The following MTO1 variants were observed in gnomAD, a reference collection of about 807,000 sequenced individuals.
The protein encoded by MTO1 is 5-taurinomethyluridine-[tRNA] synthase subunit MTO1, mitochondrial.
In MTO1, 46 loss-of-function variants were observed where a neutral mutation model predicts 71.6. The ratio of observed to expected loss-of-function variants is 0.64; its 90% CI spans 0.51 to 0.82. The LOEUF is 0.82. MTO1 is among the 40% of genes least tolerant of loss of function. MTO1 has a pLI of 0.00. For missense variants in MTO1, 773 were observed against 867.5 expected, an observed-to-expected ratio of 0.89 and a Z score of 1.37; for synonymous variants, 297 against 312.1, an observed-to-expected ratio of 0.95 and a Z score of 0.51.
rs1772345951 is a variant in MTO1 at position 73,508,407 on chromosome 6, G to C, written c.*7672G>C. 6.6e-6 allele frequency: 1 copy of C among 151,894 alleles called. No homozygotes were observed. Among genetic ancestry groups the C allele is most frequent in the South Asian group, 2.1e-4 (1 of 4,826 alleles). The allele number at this position is 151,894 out of a possible 1,614,324, so 9.4% of individuals were successfully genotyped here. ...ACATGGGCAATCCAAATTTATAACAGTAAATTAAGATACATAAAAAAAAAC... is the reference window on the plus strand; with the variant it reads ...ACATGGGCAATCCAAATTTATAACACTAAATTAAGATACATAAAAAAAAAC... On this transcript the variant is annotated 3_prime_UTR_variant, in exon 12 of 12. Transcript: ENST00000498286.
At chr6:73,487,457 A>C (rs1159399317) in intron 9 of MTO1, 1 of 150,490 alleles carries the variant, frequency 6.6e-6, no homozygotes, top group Non-Finnish European at 1.5e-5. Flanking sequence ...CTGGAATTAC[A>C]GGCATGACCC....
chr6:73,496,506 T>G (rs987192254), intron 10 of MTO1, among the ~76,000 whole-genome samples: 7 of 151,942 alleles, frequency 4.6e-5, no homozygotes, highest in Non-Finnish European at 8.8e-5. Context: ...TATTATACTT[T>G]AAATTTTAGG....
At position 73,503,568 on chromosome 6, in the gene MTO1, A is replaced by ATAG. The variant is rs1772215657; in HGVS notation, c.*2833_*2834insTAG. On this transcript the variant is annotated 3_prime_UTR_variant, in exon 12 of 12. Transcript: ENST00000498286. ...ATCAGCTAAAAATGTAACCTTACTC[A>ATAG]ATGTAGTTACTTCATAGAAATCCCA... is the stretch of plus-strand genomic sequence containing the variant. 1 of 152,224 alleles carries ATAG rather than the reference A, an allele frequency of 6.6e-6. No homozygotes were observed. The highest frequency in any genetic ancestry group is 1.5e-5 in the Non-Finnish European group (1 of 68,052). 9.4% of individuals were successfully genotyped at this position (152,224 alleles called of 1,614,324 possible). A position where few individuals can be genotyped will look rare whatever the true frequency, so the allele number is the denominator to read the frequency against.
In MTO1 at chr6:73,502,375, CA is replaced by C. The variant is rs1427873773; in HGVS notation, c.*1641del. On this transcript the variant is annotated 3_prime_UTR_variant, in exon 12 of 12. Coordinates refer to ENST00000498286, the MANE Select transcript of MTO1 (RefSeq NM_012123.4). ...AGGAGAATCGCTTGAACCCAGGAGG[CA>C]GAGGTTGCAGTGAGCTGAGATTGTG... 6.6e-6 allele frequency: 1 copy of C among 151,912 alleles called. No individual in the cohort carries two copies. Among genetic ancestry groups the C allele is most frequent in the East Asian group, 1.9e-4 (1 of 5,164 alleles). The allele number at this position is 151,912 out of a possible 1,614,324, so 9.4% of individuals were successfully genotyped here. A position where few individuals can be genotyped will look rare whatever the true frequency, so the allele number is the denominator to read the frequency against.
chr6:73,483,088 G>A (rs368512001), intron 9 of MTO1, among the ~76,000 whole-genome samples: 17 of 150,428 alleles, frequency 1.1e-4, no homozygotes, highest in East Asian at 2.0e-4. Context: ...CACTGCACCC[G>A]GCCTAACTCA....
At position 73,502,068 on chromosome 6, in the gene MTO1, T is replaced by C. The variant is rs189553699; in HGVS notation, c.*1333T>C. On this transcript the variant is annotated 3_prime_UTR_variant, in exon 12 of 12. Transcript: ENST00000498286. ...TACTTGATTCAGTGATTTCAAAAGG[T>C]CGTAACTTTTAGTCATAGCTACTCC... The C allele has an allele frequency of 1.3e-5, 2 of 152,268 alleles. No homozygotes were observed. Among genetic ancestry groups the C allele is most frequent in the East Asian group, 3.9e-4 (2 of 5,186 alleles). 9.4% of individuals were successfully genotyped at this position (152,268 alleles called of 1,614,324 possible).
chr6:73,493,354 A>ATGTGTG (rs144509962), intron 10 of MTO1, among the ~76,000 whole-genome samples: 7,988 of 139,318 alleles, frequency 0.057, 469 homozygotes, highest in African/African-American at 0.15. Flanking sequence ...ATGTGCATGT[A>ATGTGTG]TGTGTGTGTG....
chr6:73,474,034 C>T (rs928698930), intron 4 of MTO1, among the ~76,000 whole-genome samples: 2 of 151,124 alleles, frequency 1.3e-5, no homozygotes, highest in African/African-American at 2.4e-5. Flanking sequence ...GATCCACCCC[C>T]CTTGGCCTCC....
intron 4 of MTO1, 121 bp downstream of exon 4, chr6:73,473,775 G>C: frequency 2.8e-6 from 2 of 708,920 alleles, no homozygotes; most frequent in Non-Finnish European, 4.3e-6. Context: ...TGCTTATAGT[G>C]CAAAGAAATG....
chr6:73,461,969 G>A lies in MTO1; in HGVS notation c.115G>A (p.Val39Met), dbSNP rs766653154. ...SAAPRTPHFDVIVIGGGHAGT... is the reference protein window; with the variant it reads ...SAAPRTPHFDMIVIGGGHAGT... ...GGCGCCCCGGACTCCGCACTTCGAC[G>A]TGATAGTCATTGGTGGAGGACATGC... The change falls in exon 1 of 12, where the codon GTG becomes ATG. Residue 39 changes from valine (V) to methionine (M), a missense_variant. Val to Met is a conservative substitution (Grantham distance 21, BLOSUM62 1). Coordinates refer to ENST00000498286, the MANE Select transcript of MTO1 (RefSeq NM_012123.4). 1 of 1,614,244 alleles carries A rather than the reference G, an allele frequency of 6.2e-7. No homozygotes were observed. Among genetic ancestry groups the A allele is most frequent in the South Asian group, 1.1e-5 (1 of 91,090 alleles).
intron 11 of MTO1, among the ~76,000 whole-genome samples, chr6:73,499,637 C>T (rs1022627133): frequency 5.9e-5 from 9 of 152,176 alleles, no homozygotes; most frequent in African/African-American, 9.7e-5. Context: ...ATATTGGACA[C>T]TGCATTATTG....
rs1772038238 is a variant in MTO1 at position 73,497,878 on chromosome 6, T to C, written c.1899T>C (p.His633=). The C allele has an allele frequency of 1.9e-6, 3 of 1,612,252 alleles. No individual in the cohort carries two copies. The change falls in exon 11 of 12, where the codon CAT becomes CAC. Residue 633 remains histidine (H), a synonymous_variant. Coordinates refer to ENST00000498286, the MANE Select transcript of MTO1 (RefSeq NM_012123.4). ...SLSHEVREKL[H]FSRPQTIGAA... ...CCCATGAAGTTCGAGAGAAACTACA[T>C]TTTAGTCGTCCACAGACGGTAAGAA...
chr6:73,497,720 T>C lies in MTO1; in HGVS notation c.1757-16T>C. On this transcript the variant is annotated splice_polypyrimidine_tract_variant and intron_variant, in intron 10 of 11. Coordinates refer to ENST00000498286, the MANE Select transcript of MTO1 (RefSeq NM_012123.4). ...TAATCTGGGTATTATAACATGATTCTGATTTTGTTGACCAGCCACTTATGA... is the reference window on the plus strand; with the variant it reads ...TAATCTGGGTATTATAACATGATTCCGATTTTGTTGACCAGCCACTTATGA... 1 of 1,606,470 alleles carries C rather than the reference T, an allele frequency of 6.2e-7. No individual in the cohort carries two copies. Among genetic ancestry groups the C allele is most frequent in the East Asian group, 2.2e-5 (1 of 44,670 alleles).
chr6:73,482,789 C>CTTTTTT (rs35121302), intron 9 of MTO1, among the ~76,000 whole-genome samples, 169 bp downstream of exon 9: 1,008 of 92,078 alleles, frequency 0.011, 4 homozygotes, highest in Admixed American at 0.012. Context: ...TTTTTTCTTT[C>CTTTTTT]TTTTTTTTTT....
intron 1 of MTO1, 65 bp downstream of exon 1, chr6:73,462,136 G>A (rs773200125): frequency 8.4e-6 from 13 of 1,538,716 alleles, no homozygotes; most frequent in East Asian, 4.5e-5. Flanking sequence ...CGCCTCCCCC[G>A]GTCTGAAGCG....
intron 5 of MTO1, 35 bp from the exon 6 acceptor site, chr6:73,479,901 G>A: frequency 6.2e-7 from 1 of 1,604,400 alleles, no homozygotes; most frequent in Non-Finnish European, 8.5e-7. Context: ...ATCCTCTTTT[G>A]TTCATTTCAA....
At chr6:73,484,381 T>C (rs1400577758) in intron 9 of MTO1, among the ~76,000 whole-genome samples, 3 of 152,156 alleles carry the variant, frequency 2.0e-5, no homozygotes, top group African/African-American at 7.2e-5. Context: ...TGGTGAGGGC[T>C]TGCTGTTTGC....
At position 73,479,928 on chromosome 6, in the gene MTO1, T is replaced by C. The variant is rs747872124; in HGVS notation, c.939-8T>C. The C allele has an allele frequency of 6.2e-7, 1 of 1,608,700 alleles. No homozygotes were observed. Among genetic ancestry groups the C allele is most frequent in the Non-Finnish European group, 8.5e-7 (1 of 1,176,886 alleles). Reference sequence around the variant, plus strand: ...TCATTTCAAGTTTATTTAAATGTTCTATTCTAGATACTGTCCCTCCATTGA... The same window carrying C: ...TCATTTCAAGTTTATTTAAATGTTCCATTCTAGATACTGTCCCTCCATTGA... On this transcript the variant is annotated splice_polypyrimidine_tract_variant and splice_region_variant and intron_variant, in intron 5 of 11. Coordinates refer to ENST00000498286, the MANE Select transcript of MTO1 (RefSeq NM_012123.4).
intron 10 of MTO1, among the ~76,000 whole-genome samples, chr6:73,494,538 G>A (rs149965237): frequency 1.5e-3 from 218 of 150,078 alleles, no homozygotes; most frequent in Middle Eastern, 0.014. Flanking sequence ...TTCCAGTGGC[G>A]CAATTTTGGC....
Sources: allele counts gnomAD v4.1 joint callset (sites outside exome capture counted in the v4.1 genomes callset), GRCh38; gene constraint gnomAD v4.1.1; transcripts MANE v1.5; gene names NCBI Gene and HGNC (gene_info 2026-07-23, HGNC 2026-07-21).